CEP120: variants seen among roughly 807,000 people sequenced by gnomAD.
CEP120 encodes centrosomal protein 120.
CEP120 carries 113 observed loss-of-function variants against 126.5 expected under a neutral mutation model. The ratio of observed to expected loss-of-function variants is 0.89; its 90% CI spans 0.77 to 1.04. The LOEUF is 1.04. Among genes scored for constraint, CEP120 ranks in the 50% least tolerant of loss-of-function variants. The pLI is 0.00. For missense variants in CEP120, 1,230 were observed against 1,155.7 expected (o/e 1.06, Z -0.93); for synonymous variants, 400 against 394.3 (o/e 1.01, Z -0.17).
At chr5:123,373,840 G>C (rs1174816065) in intron 16 of CEP120, among the ~76,000 whole-genome samples, 1 of 151,994 alleles carries the variant, frequency 6.6e-6, no homozygotes, top group Non-Finnish European at 1.5e-5. Flanking sequence ...CCAGCCCCCA[G>C]CAGCAGTGGT....
At chr5:123,357,917 T>C (rs760681900) in intron 18 of CEP120, among the ~76,000 whole-genome samples, 2 of 152,158 alleles carry the variant, frequency 1.3e-5, no homozygotes, top group Admixed American at 6.6e-5. Flanking sequence ...AACAATTATA[T>C]GCTACTACTG....
chr5:123,363,243 C>T (rs1300457517), intron 18 of CEP120, among the ~76,000 whole-genome samples: 1 of 151,644 alleles, frequency 6.6e-6, no homozygotes, highest in Non-Finnish European at 1.5e-5. Flanking sequence ...AATACCTCCT[C>T]TCCTATGACA....
rs80188771 is a variant in CEP120, at chr5:123,422,769, C to T, written c.49+181G>A. Among the ~76,000 whole-genome samples, 198 of 152,288 alleles carry T rather than the reference C, an allele frequency of 1.3e-3. 2 individuals carry two copies. The highest frequency in any genetic ancestry group is 2.4e-3 in the Admixed American group (36 of 15,296). ...ACTTATCCCTAATAGCGCTCATATC[C>T]CTGGAGAGATTTTTAAATCAATTGC... is the stretch of plus-strand genomic sequence containing the variant. On this transcript the variant is annotated intron_variant, in intron 1 of 19. Coordinates refer to ENST00000306467, the MANE Select transcript of CEP120 (RefSeq NM_001375405.1).
intron 18 of CEP120, among the ~76,000 whole-genome samples, chr5:123,363,450 T>C (rs1327381449): frequency 6.6e-6 from 1 of 151,788 alleles, no homozygotes; most frequent in East Asian, 1.9e-4. Flanking sequence ...TTTATACTTA[T>C]TGTACATGTA....
In CEP120 at chr5:123,355,247, C is replaced by G. The variant is rs1031639775; in HGVS notation, c.2581-5158G>C. Among the ~76,000 whole-genome samples, 3 of 152,116 alleles carry G rather than the reference C, an allele frequency of 2.0e-5. No homozygotes were observed. In the South Asian group the frequency reaches 6.2e-4, roughly 31 times the overall value. ...TGTGAATAGTGCCACAAGAAACATA[C>G]GTGTGCATATGTCTTTATAGCAGCA... On this transcript the variant is annotated intron_variant, in intron 18 of 19. Coordinates refer to ENST00000306467, the MANE Select transcript of CEP120 (RefSeq NM_001375405.1).
intron 19 of CEP120, among the ~76,000 whole-genome samples, chr5:123,347,118 G>A (rs12655753): frequency 0.055 from 8,289 of 152,058 alleles, 308 homozygotes; most frequent in South Asian, 0.11. Context: ...ATGCATATAT[G>A]TACTTAAAAT....
In CEP120 at chr5:123,423,035, G is replaced by A; in HGVS notation, c.-37C>T. Reference sequence around the variant, plus strand: ...GCGGTCCGGGGGCGAAGGCGGCTGGGGGGAAGTGAGGTCCAGTTGAGTCGC... The same window carrying A: ...GCGGTCCGGGGGCGAAGGCGGCTGGAGGGAAGTGAGGTCCAGTTGAGTCGC... On this transcript the variant is annotated 5_prime_UTR_variant, in exon 1 of 20. Coordinates refer to ENST00000306467, the MANE Select transcript of CEP120 (RefSeq NM_001375405.1). 1.3e-6 allele frequency: 2 copies of A among 1,579,226 alleles called. No individual in the cohort carries two copies. Among genetic ancestry groups the A allele is most frequent in the East Asian group, 4.5e-5 (2 of 44,670 alleles).
chr5:123,378,273 G>T, intron 15 of CEP120, 63 bp downstream of exon 15: 2 of 1,238,858 alleles, frequency 1.6e-6, no homozygotes, highest in East Asian at 2.5e-5. Flanking sequence ...TTTTAAAATA[G>T]TATTTCTACT....
chr5:123,354,625 A>G (rs538647503), intron 18 of CEP120, among the ~76,000 whole-genome samples: 2 of 152,114 alleles, frequency 1.3e-5, no homozygotes, highest in Non-Finnish European at 2.9e-5. Flanking sequence ...ACCCCCTTTT[A>G]TAACTATGAA....
In CEP120 at chr5:123,345,002, C is replaced by T. The variant is rs916688572; in HGVS notation, c.*1517G>A. 6.6e-6 allele frequency: 1 copy of T among 152,142 alleles called. No individual in the cohort carries two copies. Among genetic ancestry groups the T allele is most frequent in the African/African-American group, 2.4e-5 (1 of 41,446 alleles). 9.4% of individuals were successfully genotyped at this position (152,142 alleles called of 1,614,324 possible). A position where few individuals can be genotyped will look rare whatever the true frequency, so the allele number is the denominator to read the frequency against. On this transcript the variant is annotated 3_prime_UTR_variant, in exon 20 of 20. Coordinates refer to ENST00000306467, the MANE Select transcript of CEP120 (RefSeq NM_001375405.1). ...AAAAGTCCTTTTTATTTCTTTAAAT[C>T]AGAGGCCCCCTCTAGCGTTTGAAAG... is the stretch of plus-strand genomic sequence containing the variant.
chr5:123,371,975 T>C (rs1243816021), intron 17 of CEP120, among the ~76,000 whole-genome samples: 6 of 152,154 alleles, frequency 3.9e-5, no homozygotes, highest in Admixed American at 3.9e-4. Context: ...AGAACACATA[T>C]GGTCAAACTT....
intron 14 of CEP120, among the ~76,000 whole-genome samples, chr5:123,381,766 TA>T (rs1343567508): frequency 6.6e-6 from 1 of 151,016 alleles, no homozygotes. Flanking sequence ...CACACACACA[TA>T]TTTTTTTTTA....
intron 17 of CEP120, among the ~76,000 whole-genome samples, chr5:123,371,091 T>G (rs966396750): frequency 5.3e-5 from 8 of 152,096 alleles, no homozygotes; most frequent in African/African-American, 1.7e-4. Flanking sequence ...CATTCTCTTA[T>G]CAGCCCTATT....
intron 14 of CEP120, among the ~76,000 whole-genome samples, chr5:123,380,219 T>G (rs541144843): frequency 2.8e-4 from 43 of 152,244 alleles, no homozygotes; most frequent in African/African-American, 9.6e-4. Context: ...CAACTTTTTT[T>G]TCTCACTACT....
At chr5:123,389,861 T>C (rs1427424331) in intron 8 of CEP120, 63 bp downstream of exon 8, 1 of 1,439,778 alleles carries the variant, frequency 6.9e-7, no homozygotes, top group Non-Finnish European at 9.7e-7. Context: ...TCATAGTCAT[T>C]TTTTAGATGG....
rs1772180044 is a variant in CEP120 at position 123,388,607 on chromosome 5, C to G, written c.1256-1G>C. ...AGTGAAGCAGGTACAGAAGAACTGG[C>G]TGAAATGAACATAAAATAAAACAAA... On this transcript the variant is annotated splice_acceptor_variant, in intron 8 of 19. Transcript: ENST00000306467. LOFTEE classifies it high-confidence loss of function. 6.4e-7 allele frequency: 1 copy of G among 1,559,314 alleles called. No homozygotes were observed. The highest frequency in any genetic ancestry group is 1.2e-5 in the South Asian group (1 of 82,244).
chr5:123,363,419 T>C (rs966838907), intron 18 of CEP120, among the ~76,000 whole-genome samples: 1 of 151,646 alleles, frequency 6.6e-6, no homozygotes, highest in Non-Finnish European at 1.5e-5. Context: ...TTGCATATAT[T>C]TACACCTGGT....
chr5:123,412,460 G>A lies in CEP120; in HGVS notation c.402C>T (p.Thr134=), dbSNP rs143893793. ...SEIQISIALE[T]DTKPPVDSFK... is the part of the protein sequence containing the mutation. ...AGCTATCCACTGGTGGCTTTGTATC[G>A]GTTTCCAAAGCAATACTTATCTGTA... The change falls in exon 4 of 20, where the codon ACC becomes ACT. Residue 134 remains threonine (T), a synonymous_variant. Transcript: ENST00000306467. 7.9e-5 allele frequency: 127 copies of A among 1,610,818 alleles called. 1 individual carries two copies. The East Asian group carries it at 1.6e-3, about 21-fold the overall frequency.
At chr5:123,391,658 T>C (rs1389713465) in intron 6 of CEP120, among the ~76,000 whole-genome samples, 1 of 152,210 alleles carries the variant, frequency 6.6e-6, no homozygotes, top group Non-Finnish European at 1.5e-5. Context: ...ACAAAATTAA[T>C]GCATGAATTT....
Sources: gnomAD v4.1 joint callset for allele counts (sites outside exome capture counted in the v4.1 genomes callset) on GRCh38, gnomAD v4.1.1 for gene constraint, MANE v1.5 for transcripts, NCBI Gene and HGNC (gene_info 2026-07-23, HGNC 2026-07-21) for gene names.